The following ARHGEF6 variants were observed in gnomAD, a reference collection of about 807,000 sequenced individuals.
ARHGEF6 encodes rho guanine nucleotide exchange factor 6.
Under a neutral mutation model 70.3 loss-of-function variants are expected in ARHGEF6, and 9 were observed. The observed-to-expected ratio is 0.13, with a 90% CI of 0.08 to 0.22. ARHGEF6 has a LOEUF of 0.22. Ranked by LOEUF, ARHGEF6 falls within the 10% of genes least tolerant of loss-of-function variation. The probability of loss-of-function intolerance (pLI) is 1.00; values close to 1 mark genes in which losing one functional copy is unlikely to be tolerated. For missense variants in ARHGEF6, 470 were observed against 563.0 expected (o/e 0.83, Z 1.67); for synonymous variants, 201 against 207.8 (o/e 0.97, Z 0.28).
chrX:136,725,331 A>G (rs1268982381), intron 6 of ARHGEF6, among the ~76,000 whole-genome samples: 1 of 109,781 alleles, frequency 9.1e-6, no homozygotes. Context: ...TAAAATGACA[A>G]AAGTGGTTAA....
At chrX:136,714,552 G>A (rs776932350) in intron 6 of ARHGEF6, among the ~76,000 whole-genome samples, 3 of 112,185 alleles carry the variant, frequency 2.7e-5, no homozygotes, top group South Asian at 3.7e-4. Flanking sequence ...TACTGTATTT[G>A]CAGAGACATT....
At chrX:136,732,041 G>T in intron 6 of ARHGEF6, 61 bp downstream of exon 6, 2 of 923,406 alleles carry the variant, frequency 2.2e-6, no homozygotes, top group Non-Finnish European at 1.5e-6. Context: ...TCAATGGTTT[G>T]ACAAGTGAAA....
chrX:136,742,810 C>T (rs2077057677), intron 5 of ARHGEF6, among the ~76,000 whole-genome samples: 1 of 110,565 alleles, frequency 9.0e-6, no homozygotes, highest in Non-Finnish European at 1.9e-5. Flanking sequence ...TCCGTCTCTA[C>T]AAAAAGTTTA....
chrX:136,773,372 G>T (rs2077377548), intron 2 of ARHGEF6, among the ~76,000 whole-genome samples: 1 of 111,783 alleles, frequency 8.9e-6, no homozygotes, highest in Non-Finnish European at 1.9e-5. Context: ...TCTATCCAGG[G>T]ACATTTGCAA....
chrX:136,753,617 A>C (rs770905649), intron 2 of ARHGEF6, among the ~76,000 whole-genome samples: 169 of 111,515 alleles, frequency 1.5e-3, no homozygotes, highest in African/African-American at 5.3e-3. Context: ...CAATTTCTTA[A>C]TTTTTACTAA....
chrX:136,765,039 A>C (rs2069713008), intron 2 of ARHGEF6, among the ~76,000 whole-genome samples: 1 of 112,059 alleles, frequency 8.9e-6, no homozygotes, highest in African/African-American at 3.3e-5. Context: ...CAGGTACATC[A>C]GTGATTACAT....
At chrX:136,707,137 C>T in intron 8 of ARHGEF6, 107 bp from the exon 9 acceptor site, 1 of 1,007,096 alleles carries the variant, frequency 9.9e-7, no homozygotes, top group South Asian at 2.0e-5. Context: ...AATATTTTGC[C>T]AAGGTTAAAA....
intron 2 of ARHGEF6, among the ~76,000 whole-genome samples, chrX:136,764,227 A>G (rs1032650616): frequency 1.8e-5 from 2 of 111,598 alleles, no homozygotes; most frequent in African/African-American, 6.5e-5. Flanking sequence ...AGTACCTACT[A>G]AAGCTGAACA....
chrX:136,779,708 C>T (rs948341974), intron 1 of ARHGEF6, among the ~76,000 whole-genome samples: 1 of 111,741 alleles, frequency 8.9e-6, no homozygotes, highest in Non-Finnish European at 1.9e-5. Flanking sequence ...CCTTTAGTGG[C>T]AAGCCATGTC....
At chrX:136,747,190 A>G (rs1400038623) in intron 3 of ARHGEF6, among the ~76,000 whole-genome samples, 1 of 111,287 alleles carries the variant, frequency 9.0e-6, no homozygotes, top group East Asian at 2.8e-4. Flanking sequence ...TGTAAACTCT[A>G]TGAAAAAGGG....
intron 2 of ARHGEF6, among the ~76,000 whole-genome samples, chrX:136,760,079 T>C (rs1434719632): frequency 8.9e-6 from 1 of 112,183 alleles, no homozygotes; most frequent in Non-Finnish European, 1.9e-5. Flanking sequence ...AGGTCTTTCT[T>C]CCAGCTGACA....
chrX:136,763,253 A>G (rs1361704309), intron 2 of ARHGEF6, among the ~76,000 whole-genome samples: 1 of 111,955 alleles, frequency 8.9e-6, no homozygotes, highest in Non-Finnish European at 1.9e-5. Context: ...ACCTTACCTC[A>G]TCTCATTTAA....
At chrX:136,764,189 G>C (rs2077291043) in intron 2 of ARHGEF6, among the ~76,000 whole-genome samples, 1 of 111,006 alleles carries the variant, frequency 9.0e-6, no homozygotes, top group African/African-American at 3.3e-5. Flanking sequence ...AAATCACAAG[G>C]CTTGTCTGAT....
rs6635318 is a variant in ARHGEF6 at position 136,745,029 on chromosome X, G to T, written c.459+194C>A. Reference sequence around the variant, plus strand: ...GGGACAGAGCTGGAGCTTCAATCCGGATTTTTGCCCCACCACATGCCTTTG... The same window carrying T: ...GGGACAGAGCTGGAGCTTCAATCCGTATTTTTGCCCCACCACATGCCTTTG... On this transcript the variant is annotated intron_variant, in intron 4 of 21. Transcript: ENST00000250617. Among the ~76,000 whole-genome samples, 7 of 111,699 alleles carry T rather than the reference G, an allele frequency of 6.3e-5. No homozygotes were observed. In the East Asian group the frequency reaches 2.0e-3, roughly 31 times the overall value.
intron 2 of ARHGEF6, among the ~76,000 whole-genome samples, chrX:136,760,433 T>C (rs1460008561): frequency 8.9e-6 from 1 of 112,358 alleles, no homozygotes; most frequent in Non-Finnish European, 1.9e-5. Context: ...GTGGTTTGAA[T>C]AAAGAGGTAT....
At chrX:136,700,008 C>A (rs1171480896) in intron 9 of ARHGEF6, among the ~76,000 whole-genome samples, 1 of 110,974 alleles carries the variant, frequency 9.0e-6, no homozygotes, top group East Asian at 2.8e-4. Flanking sequence ...CATCTTCCTG[C>A]CATATGTGAG....
chrX:136,686,586 ATGTG>A lies in ARHGEF6; in HGVS notation c.1246-767_1246-764del, dbSNP rs201537752. ...ACTCTTTCTATATATATGTGTGTGT[ATGTG>A]TGTGTATATATATATATATATATAT... On this transcript the variant is annotated intron_variant, in intron 11 of 21. Transcript: ENST00000250617. Among the ~76,000 whole-genome samples, 70 of 70,404 alleles carry A rather than the reference ATGTG, an allele frequency of 9.9e-4. 1 individual carries two copies. The highest frequency in any genetic ancestry group is 4.5e-3 in the African/African-American group (69 of 15,199). The allele number at this position is 70,404 out of a possible 115,157, so 61.1% of individuals were successfully genotyped here.
chrX:136,750,250 C>T, intron 2 of ARHGEF6, among the ~76,000 whole-genome samples: 1 of 112,371 alleles, frequency 8.9e-6, no homozygotes, highest in Non-Finnish European at 1.9e-5. Context: ...AATAGAGAAC[C>T]AATTCCCTTT....
chrX:136,742,171 T>A (rs922014333), intron 5 of ARHGEF6, among the ~76,000 whole-genome samples: 2 of 110,937 alleles, frequency 1.8e-5, no homozygotes, highest in African/African-American at 6.6e-5. Flanking sequence ...ATACAAAATT[T>A]AGCCAGGCGT....
Sources: gnomAD v4.1 joint callset for allele counts (sites outside exome capture counted in the v4.1 genomes callset) on GRCh38, gnomAD v4.1.1 for gene constraint, MANE v1.5 for transcripts, NCBI Gene and HGNC (gene_info 2026-07-23, HGNC 2026-07-21) for gene names.